Variants in NTN1 observed in about 807,000 individuals in gnomAD.
NTN1 encodes the protein netrin-1.
A neutral mutation model predicts 54.2 loss-of-function variants in NTN1; 11 were observed. That is an observed-to-expected ratio of 0.20 (90% CI 0.13 to 0.34). The LOEUF is 0.34. Among genes scored for constraint, NTN1 ranks in the 10% least tolerant of loss-of-function variants. The pLI is 1.00. For missense variants in NTN1, 740 were observed against 893.1 expected, an observed-to-expected ratio of 0.83 and a Z score of 2.18; for synonymous variants, 371 against 382.0, an observed-to-expected ratio of 0.97 and a Z score of 0.33.
chr17:9,172,404 G>A (rs542633696), intron 3 of NTN1, among the ~76,000 whole-genome samples: 9 of 152,048 alleles, frequency 5.9e-5, no homozygotes, highest in African/African-American at 1.9e-4. Context: ...GGCGTGACCC[G>A]GGAGGCGGAG....
Position 9,110,931 on chromosome 17 carries a change from C to CTTT in NTN1, c.1019-51863_1019-51861dup, listed in dbSNP as rs34319949. Among the ~76,000 whole-genome samples the CTTT allele has an allele frequency of 3.8e-3, 401 of 104,318 alleles. 11 individuals are homozygous for CTTT. Among genetic ancestry groups the CTTT allele is most frequent in the African/African-American group, 0.011 (265 of 24,702 alleles). 68.4% of individuals were successfully genotyped at this position (104,318 alleles called of 152,430 possible). ...TTAGGGACCACCTTAAATTCAGGAT[C>CTTT]TTTTTTTTTTTTTTTTTTTTTGAGA... On this transcript the variant is annotated intron_variant, in intron 2 of 6. Transcript: ENST00000173229.
chr17:9,190,022 G>A (rs1159922999), intron 5 of NTN1, among the ~76,000 whole-genome samples: 3 of 152,186 alleles, frequency 2.0e-5, no homozygotes, highest in Admixed American at 6.5e-5. Context: ...AGAATCAGCC[G>A]AAGATTGTTA....
intron 2 of NTN1, among the ~76,000 whole-genome samples, chr17:9,080,368 C>T (rs564796750): frequency 1.6e-4 from 24 of 152,320 alleles, no homozygotes; most frequent in East Asian, 5.8e-4. Flanking sequence ...CAGGTCTCAC[C>T]GATCCCATTC....
chr17:9,166,960 A>G (rs762667007), intron 3 of NTN1, among the ~76,000 whole-genome samples: 2 of 152,156 alleles, frequency 1.3e-5, no homozygotes, highest in African/African-American at 4.8e-5. Context: ...AAACATTACT[A>G]TGTAGTTGCC....
At chr17:9,130,085 G>A (rs566504805) in intron 2 of NTN1, among the ~76,000 whole-genome samples, 8 of 152,148 alleles carry the variant, frequency 5.3e-5, no homozygotes, top group South Asian at 4.1e-4. Context: ...GCTGGGACAC[G>A]TGCAGGGGAG....
intron 3 of NTN1, among the ~76,000 whole-genome samples, chr17:9,178,556 C>T (rs1466393254): frequency 6.6e-6 from 1 of 152,252 alleles, no homozygotes; most frequent in Non-Finnish European, 1.5e-5. Flanking sequence ...GTGCTCACGC[C>T]CAGCAGTGCT....
At chr17:9,110,798 A>G (rs1421393937) in intron 2 of NTN1, among the ~76,000 whole-genome samples, 1 of 152,072 alleles carries the variant, frequency 6.6e-6, no homozygotes, top group Non-Finnish European at 1.5e-5. Flanking sequence ...AACCCGTAGC[A>G]TTCTTTACTT....
the NTN1 span, among the ~76,000 whole-genome samples, chr17:9,009,692 G>A: frequency 1.3e-5 from 2 of 152,086 alleles, no homozygotes; most frequent in African/African-American, 4.8e-5. Context: ...ATTGGTTTTT[G>A]CAGTTAACAG....
the NTN1 span, among the ~76,000 whole-genome samples, chr17:9,013,286 G>A: frequency 2.1e-5 from 3 of 143,030 alleles, no homozygotes; most frequent in Non-Finnish European, 3.0e-5. Context: ...GTGCAATCTC[G>A]GCTCACTGCA....
At chr17:9,020,356 G>A (rs938156994), upstream of NTN1, among the ~76,000 whole-genome samples, 3 of 152,232 alleles carry the variant, frequency 2.0e-5, no homozygotes, top group Non-Finnish European at 2.9e-5. Context: ...TCTGGCTGCT[G>A]TTGCAAGATG....
At chr17:9,085,893 C>T (rs58575882) in intron 2 of NTN1, among the ~76,000 whole-genome samples, 488 of 152,250 alleles carry the variant, frequency 3.2e-3, no homozygotes, top group African/African-American at 0.011. Context: ...GACAGAGGGG[C>T]GCACGTGGGG....
At chr17:9,039,488 G>A (rs900830459) in intron 2 of NTN1, among the ~76,000 whole-genome samples, 1 of 152,142 alleles carries the variant, frequency 6.6e-6, no homozygotes, top group African/African-American at 2.4e-5. Flanking sequence ...GATTCTTCCA[G>A]ATGATTTTTT....
At chr17:9,218,131 C>T (rs144896252) in intron 5 of NTN1, among the ~76,000 whole-genome samples, 143 of 152,280 alleles carry the variant, frequency 9.4e-4, no homozygotes, top group African/African-American at 3.2e-3. Context: ...TCAGACACTC[C>T]GGCCATTCCC....
In NTN1 at chr17:9,022,593, C is replaced by T. The variant is rs1051643472; in HGVS notation, c.220C>T (p.Pro74Ser). Residue 74 changes from proline (P) to serine (S), a missense_variant, in exon 2 of 7, where the codon CCG becomes TCG. Pro to Ser is a moderately conservative substitution (Grantham distance 74). Transcript: ENST00000173229. ...VRVSSTCGRPPARYCVVSERG... is the reference protein window; with the variant it reads ...VRVSSTCGRPSARYCVVSERG... ...CGTGTCCAGCACCTGCGGCCGGCCC[C>T]CGGCGCGCTACTGCGTGGTGAGCGA... 1 of 1,546,130 alleles carries T rather than the reference C, an allele frequency of 6.5e-7. No individual in the cohort carries two copies. Among genetic ancestry groups the T allele is most frequent in the African/African-American group, 1.4e-5 (1 of 73,054 alleles).
chr17:9,030,505 G>C (rs1213911079), intron 2 of NTN1, among the ~76,000 whole-genome samples: 1 of 152,230 alleles, frequency 6.6e-6, no homozygotes, highest in East Asian at 1.9e-4. Flanking sequence ...CCAGCACTTT[G>C]GGAGGCTGAG....
Position 9,135,035 on chromosome 17 carries a change from C to T in NTN1, c.1019-27778C>T, listed in dbSNP as rs530691905. On this transcript the variant is annotated intron_variant, in intron 2 of 6. Transcript: ENST00000173229. This position sits in a 1 kb window ranked among gnomAD's most constrained non-coding sequence, Gnocchi z 4.4. ...GTCATGCAGCTGACACCTCCAACCC[C>T]CATACCCAGACCAAATTCTCCGAGT... 2.6e-5 allele frequency among the ~76,000 whole-genome samples: 4 copies of T among 152,256 alleles called. No homozygotes were observed. Among genetic ancestry groups the T allele is most frequent in the African/African-American group, 9.6e-5 (4 of 41,540 alleles).
chr17:9,198,033 C>T (rs1567736070), intron 5 of NTN1, among the ~76,000 whole-genome samples: 1 of 152,214 alleles, frequency 6.6e-6, no homozygotes, highest in African/African-American at 2.4e-5. Flanking sequence ...TGCCAGCCAT[C>T]CACCCAGGTT....
At chr17:9,166,149 TCCACCACCACCA>T (rs60014697) in intron 3 of NTN1, among the ~76,000 whole-genome samples, 3,049 of 111,268 alleles carry the variant, frequency 0.027, 78 homozygotes, top group Middle Eastern at 0.072. Context: ...TCAACCCCCT[TCCACCACCACCA>T]CCACCACCAC....
At chr17:9,151,178 C>T (rs1337924986) in intron 2 of NTN1, among the ~76,000 whole-genome samples, 1 of 152,176 alleles carries the variant, frequency 6.6e-6, no homozygotes, top group Non-Finnish European at 1.5e-5. Context: ...AGGCCAACTC[C>T]TAGCAGCCCT....
Sources: allele counts gnomAD v4.1 joint callset (sites outside exome capture counted in the v4.1 genomes callset), GRCh38; gene constraint gnomAD v4.1.1; non-coding constraint Gnocchi (gnomAD v3.1); transcripts MANE v1.5; gene names NCBI Gene and HGNC (gene_info 2026-07-23, HGNC 2026-07-21).